The following ANKRD7 variants were observed in gnomAD, a reference collection of about 807,000 sequenced individuals.
ANKRD7 encodes the protein ankyrin repeat domain 7, also known as ankyrin repeat domain-containing protein 7.
Under a neutral mutation model 30.8 loss-of-function variants are expected in ANKRD7, and 30 were observed. That is an observed-to-expected ratio of 0.97 (90% CI 0.73 to 1.32). The LOEUF (loss-of-function observed/expected upper bound fraction) is 1.32. Among genes scored for constraint, ANKRD7 ranks in the 40% most tolerant of loss-of-function variants. The pLI is 0.00. For missense variants in ANKRD7, 264 were observed against 295.7 expected, an observed-to-expected ratio of 0.89 and a Z score of 0.79; for synonymous variants, 97 against 106.6, an observed-to-expected ratio of 0.91 and a Z score of 0.55.
chr7:118,225,076 A>G (rs756894125), intron 1 of ANKRD7, 67 bp downstream of exon 1: 4 of 1,555,778 alleles, frequency 2.6e-6, no homozygotes, highest in Non-Finnish European at 3.5e-6. Flanking sequence ...CAGAAATAAG[A>G]CAAGTGGGGG....
chr7:118,225,089 G>C, intron 1 of ANKRD7, 80 bp downstream of exon 1: 9 of 1,480,294 alleles, frequency 6.1e-6, no homozygotes, highest in Non-Finnish European at 8.3e-6. Context: ...AGTGGGGGCT[G>C]TTTGACACTG....
intron 5 of ANKRD7, among the ~76,000 whole-genome samples, chr7:118,238,636 T>C (rs568253350): frequency 2.6e-5 from 4 of 152,352 alleles, no homozygotes; most frequent in Admixed American, 1.3e-4. Flanking sequence ...AAAAAATTAG[T>C]GAAACACTTC....
intron 1 of ANKRD7, among the ~76,000 whole-genome samples, chr7:118,227,502 TTC>T (rs1172642487): frequency 5.9e-5 from 9 of 152,278 alleles, no homozygotes; most frequent in African/African-American, 2.2e-4. Flanking sequence ...TCCAATTAGT[TTC>T]TGAGTTTTCA....
intron 3 of ANKRD7, 113 bp downstream of exon 3, chr7:118,234,987 A>G: frequency 3.3e-6 from 3 of 903,724 alleles, no homozygotes; most frequent in Non-Finnish European, 4.7e-6. Context: ...AATTTTCCAA[A>G]CTAAAATTGG....
chr7:118,227,563 G>A (rs772425951), intron 1 of ANKRD7, among the ~76,000 whole-genome samples: 6 of 152,144 alleles, frequency 3.9e-5, no homozygotes, highest in Non-Finnish European at 8.8e-5. Flanking sequence ...TGTTTGTTGT[G>A]AGGAAGGGTA....
chr7:118,242,112 C>T (rs976897862), intron 6 of ANKRD7, among the ~76,000 whole-genome samples: 1 of 151,848 alleles, frequency 6.6e-6, no homozygotes. Flanking sequence ...TGTTTTAAAG[C>T]GTAGATTTAT....
Position 118,224,917 on chromosome 7 carries a change from T to C in ANKRD7, c.87T>C (p.Leu29=). ...YNLREKDLKK[L]HRAASVGDLK... ...TTCGAGAAAAGGATTTAAAGAAACT[T>C]CACAGAGCTGCTTCAGTCGGGGATT... The change falls in exon 1 of 7, where the codon CTT becomes CTC. Residue 29 remains leucine, a synonymous_variant. Transcript: ENST00000265224. The C allele has an allele frequency of 6.2e-7, 1 of 1,614,112 alleles. No individual in the cohort carries two copies. Among genetic ancestry groups the C allele is most frequent in the Non-Finnish European group, 8.5e-7 (1 of 1,180,022 alleles).
At chr7:118,240,632 A>T (rs1444030093) in intron 6 of ANKRD7, among the ~76,000 whole-genome samples, 1 of 152,136 alleles carries the variant, frequency 6.6e-6, no homozygotes, top group African/African-American at 2.4e-5. Flanking sequence ...CCATTGTCTC[A>T]TGTCTAGCTA....
rs532862669 is a variant in ANKRD7 at position 118,239,552 on chromosome 7, G to A, written c.713-357G>A. Among the ~76,000 whole-genome samples the A allele has an allele frequency of 6.6e-5, 10 of 152,282 alleles. No homozygotes were observed. In the East Asian group the frequency reaches 9.7e-4, roughly 15 times the overall value. On this transcript the variant is annotated intron_variant, in intron 5 of 6. Coordinates refer to ENST00000265224, the MANE Select transcript of ANKRD7 (RefSeq NM_019644.4). ...CTGGCACCTCAATAAATGTGCAGCC[G>A]ACAGAACCATGAGAAAATTAGTTTC...
Position 118,224,905 on chromosome 7 carries a change from T to C in ANKRD7, c.75T>C (p.Asp25=). The change falls in exon 1 of 7, where the codon GAT becomes GAC. Residue 25 remains aspartate (D), a synonymous_variant. Coordinates refer to ENST00000265224, the MANE Select transcript of ANKRD7 (RefSeq NM_019644.4). ...RSQGYNLREK[D]LKKLHRAASV... ...AGGGCTACAACCTTCGAGAAAAGGA[T>C]TTAAAGAAACTTCACAGAGCTGCTT... 6.2e-7 allele frequency: 1 copy of C among 1,614,088 alleles called. No individual in the cohort carries two copies.
chr7:118,235,936 G>A (rs1364345426), intron 3 of ANKRD7, 105 bp from the exon 4 acceptor site: 4 of 569,580 alleles, frequency 7.0e-6, no homozygotes, highest in South Asian at 2.7e-5. Context: ...GAGTTAAAGT[G>A]TATATTCAGA....
intron 5 of ANKRD7, among the ~76,000 whole-genome samples, chr7:118,237,874 G>A (rs1809756975): frequency 1.3e-5 from 2 of 151,992 alleles, no homozygotes; most frequent in Non-Finnish European, 2.9e-5. Context: ...AAATCTTAAT[G>A]AAATAAACAT....
intron 5 of ANKRD7, among the ~76,000 whole-genome samples, chr7:118,239,464 TA>T (rs1226399073): frequency 6.6e-6 from 1 of 152,148 alleles, no homozygotes; most frequent in Non-Finnish European, 1.5e-5. Context: ...AACAGTTATC[TA>T]AAAGGCAAAT....
chr7:118,235,568 C>A (rs369442638), intron 3 of ANKRD7, among the ~76,000 whole-genome samples: 2 of 147,200 alleles, frequency 1.4e-5, no homozygotes, highest in Non-Finnish European at 3.0e-5. Flanking sequence ...GCCAAGATTG[C>A]GCCACTGCAC....
At chr7:118,241,160 C>CAAAAA (rs60703234) in intron 6 of ANKRD7, among the ~76,000 whole-genome samples, 6 of 21,838 alleles carry the variant, frequency 2.7e-4, no homozygotes, top group African/African-American at 4.2e-4. Context: ...GACTCCGTCT[C>CAAAAA]AAAAAAAAAA....
intron 4 of ANKRD7, 63 bp downstream of exon 4, chr7:118,236,210 A>ATGTG (rs3993811): frequency 0.08 from 46,970 of 590,048 alleles, 143 homozygotes; most frequent in South Asian, 0.095. Flanking sequence ...GTGTGTGCGT[A>ATGTG]TGTGTGTGTG....
Position 118,234,862 on chromosome 7 carries a change from A to T in ANKRD7, c.456A>T (p.Glu152Asp). The T allele has an allele frequency of 6.3e-7, 1 of 1,597,622 alleles. No individual in the cohort carries two copies. Among genetic ancestry groups the T allele is most frequent in the Non-Finnish European group, 8.5e-7 (1 of 1,175,874 alleles). The stretch of plus-strand genomic sequence containing the variant: ...TGCTTGAATACGAAGCTGATCTTGA[A>T]GCGAAAAATAAGGTAGTTTTCTATT... ...EKLLEYEADL[E>D]AKNKDGYTPL... The change falls in exon 3 of 7, where the codon GAA becomes GAT. Residue 152 changes from glutamate to aspartate, a missense_variant. By Grantham distance (45) the Glu-to-Asp change is conservative. Coordinates refer to ENST00000265224, the MANE Select transcript of ANKRD7 (RefSeq NM_019644.4).
At chr7:118,240,538 A>C (rs1298626979) in intron 6 of ANKRD7, among the ~76,000 whole-genome samples, 1 of 152,196 alleles carries the variant, frequency 6.6e-6, no homozygotes, top group Admixed American at 6.5e-5. Flanking sequence ...AATATTTGTG[A>C]TTAAAATATT....
At chr7:118,228,099 T>G in intron 1 of ANKRD7, 1 of 1,244,356 alleles carries the variant, frequency 8.0e-7, no homozygotes, top group Non-Finnish European at 1.0e-6. Flanking sequence ...ATTTGAAATA[T>G]TGTCTTTCAG....
Sources: allele counts gnomAD v4.1 joint callset (sites outside exome capture counted in the v4.1 genomes callset), GRCh38; gene constraint gnomAD v4.1.1; transcripts MANE v1.5; gene names NCBI Gene and HGNC (gene_info 2026-07-23, HGNC 2026-07-21).